PARG: variants seen among roughly 807,000 people sequenced by gnomAD.
PARG encodes poly(ADP-ribose) glycohydrolase, also known as mitochondrial poly(ADP-ribose) glycohydrolase.
PARG carries 35 observed loss-of-function variants against 113.0 expected under a neutral mutation model. That is an observed-to-expected ratio of 0.31 (90% CI 0.24 to 0.41). PARG has a LOEUF of 0.41. PARG is among the 10% of genes least tolerant of loss of function. PARG has a pLI of 1.00. For synonymous variants in PARG, 330 were observed against 409.9 expected, an observed-to-expected ratio of 0.81 and a Z score of 2.36; for missense variants, 797 against 1,169.4, an observed-to-expected ratio of 0.68 and a Z score of 4.64.
At chr10:49,850,460 G>C (rs1845708811) in intron 13 of PARG, among the ~76,000 whole-genome samples, 1 of 152,156 alleles carries the variant, frequency 6.6e-6, no homozygotes, top group African/African-American at 2.4e-5. Context: ...GGTGTCATTA[G>C]AAATAATTTT....
chr10:49,849,089 G>A (rs1845642021), intron 13 of PARG, among the ~76,000 whole-genome samples: 2 of 152,062 alleles, frequency 1.3e-5, no homozygotes, highest in Admixed American at 1.3e-4. Flanking sequence ...CAGCTACTAG[G>A]GAGGCTGAGG....
At chr10:49,902,990 G>T (rs1330383044) in intron 7 of PARG, among the ~76,000 whole-genome samples, 2 of 151,998 alleles carry the variant, frequency 1.3e-5, no homozygotes, top group Admixed American at 1.3e-4. Context: ...ACCACACCCA[G>T]CTAATTTTTT....
At chr10:49,941,467 C>G (rs1839063715) in intron 1 of PARG, 42 bp downstream of exon 1, 1 of 1,417,288 alleles carries the variant, frequency 7.1e-7, no homozygotes, top group Admixed American at 2.0e-5. Flanking sequence ...CCAGAAGGTT[C>G]GGGCCGAGGC....
chr10:49,881,902 G>A (rs1288231851), intron 8 of PARG, among the ~76,000 whole-genome samples: 16 of 152,108 alleles, frequency 1.1e-4, no homozygotes, highest in Non-Finnish European at 1.9e-4. Flanking sequence ...TTTCCATCCC[G>A]TGCATTTGTT....
chr10:49,857,712 AT>A (rs1209139004), intron 12 of PARG, among the ~76,000 whole-genome samples: 1 of 151,972 alleles, frequency 6.6e-6, no homozygotes, highest in Non-Finnish European at 1.5e-5. Context: ...AATATTATGT[AT>A]CATACAGACT....
intron 7 of PARG, among the ~76,000 whole-genome samples, chr10:49,894,126 G>A (rs1237157430): frequency 1.6e-4 from 24 of 151,284 alleles, no homozygotes; most frequent in African/African-American, 5.6e-4. Flanking sequence ...CACCACACCT[G>A]GCCTCCAAGA....
At chr10:49,886,510 G>C (rs535012876) in intron 7 of PARG, among the ~76,000 whole-genome samples, 1 of 152,294 alleles carries the variant, frequency 6.6e-6, no homozygotes, top group Admixed American at 6.5e-5. Flanking sequence ...TCAGAATGAA[G>C]AGAAGGATAT....
At chr10:49,919,728 A>G (rs1240579245) in intron 6 of PARG, among the ~76,000 whole-genome samples, 6 of 152,176 alleles carry the variant, frequency 3.9e-5, no homozygotes, top group Non-Finnish European at 7.3e-5. Flanking sequence ...ATTATACTAA[A>G]ACCAAGTAAA....
intron 7 of PARG, among the ~76,000 whole-genome samples, chr10:49,903,815 G>A (rs1298724984): frequency 2.6e-5 from 4 of 151,772 alleles, no homozygotes; most frequent in African/African-American, 9.7e-5. Context: ...ATGCCAGAGA[G>A]GTGGGCAGAG....
intron 4 of PARG, among the ~76,000 whole-genome samples, chr10:49,927,336 A>G (rs1157493328): frequency 7.0e-6 from 1 of 143,294 alleles, no homozygotes; most frequent in East Asian, 2.0e-4. Flanking sequence ...GAAGGAAAGA[A>G]GGAAGGAAGG....
intron 9 of PARG, 34 bp from the exon 10 acceptor site, chr10:49,869,589 A>T (rs782135608): frequency 3.5e-6 from 3 of 853,634 alleles, no homozygotes; most frequent in Non-Finnish European, 5.9e-6. Flanking sequence ...AATGGAAGAT[A>T]AGTTAAAATG....
intron 13 of PARG, among the ~76,000 whole-genome samples, chr10:49,856,967 C>G (rs1327741699): frequency 1.4e-5 from 2 of 144,754 alleles, no homozygotes; most frequent in Non-Finnish European, 3.0e-5. Flanking sequence ...CGAGATTGCA[C>G]CATTGCACTC....
At chr10:49,862,279 T>C (rs1171517715) in intron 11 of PARG, among the ~76,000 whole-genome samples, 2 of 152,010 alleles carry the variant, frequency 1.3e-5, no homozygotes, top group African/African-American at 2.4e-5. Flanking sequence ...ACAAATTCCA[T>C]TGTATCAAAA....
intron 16 of PARG, among the ~76,000 whole-genome samples, chr10:49,821,198 A>T (rs1329012518): frequency 1.3e-5 from 2 of 152,204 alleles, no homozygotes; most frequent in Non-Finnish European, 2.9e-5. Flanking sequence ...ATCTCCAGGA[A>T]TCAAAGTTAC....
At position 49,841,950 on chromosome 10, in the gene PARG, C is replaced by A; in HGVS notation, c.2541G>T (p.Lys847Asn). 6.5e-7 allele frequency: 1 copy of A among 1,537,780 alleles called. No homozygotes were observed. The highest frequency in any genetic ancestry group is 8.8e-7 in the Non-Finnish European group (1 of 1,138,760). Residue 847 changes from lysine to asparagine, a missense_variant and splice_region_variant, in exon 15 of 18, where the codon AAG becomes AAT. By Grantham distance (94) the Lys-to-Asn change is moderately conservative. This residue lies in a region of PARG where 194 missense variants were observed against 247.1 expected (regional missense o/e 0.79). Coordinates refer to ENST00000616448, the MANE Select transcript of PARG (RefSeq NM_003631.5). ...TGAACTAAGAAATAAGGTTACTGGC[C>A]TTGTTCAGCTCGCGTCTCATTTTCT... ...VPEKMRRELN[K>N]AYCGFLRPGV...
intron 13 of PARG, among the ~76,000 whole-genome samples, chr10:49,850,515 G>A (rs1414967909): frequency 2.0e-5 from 3 of 152,156 alleles, no homozygotes; most frequent in African/African-American, 4.8e-5. Flanking sequence ...CTATTTACTC[G>A]AGGGTGAAAA....
intron 13 of PARG, among the ~76,000 whole-genome samples, chr10:49,844,365 G>A (rs562285598): frequency 6.6e-6 from 1 of 152,188 alleles, no homozygotes; most frequent in South Asian, 2.1e-4. Flanking sequence ...GCTCACGCCT[G>A]TAATCCTAGC....
At chr10:49,906,275 T>C (rs376528338) in intron 7 of PARG, among the ~76,000 whole-genome samples, 388 of 151,264 alleles carry the variant, frequency 2.6e-3, no homozygotes, top group East Asian at 0.012. Context: ...GAGCCACATG[T>C]CCAGCCATGT....
intron 16 of PARG, among the ~76,000 whole-genome samples, chr10:49,824,490 G>A (rs2132355852): frequency 6.6e-6 from 1 of 152,256 alleles, no homozygotes; most frequent in South Asian, 2.1e-4. Flanking sequence ...AGGGAGCTTG[G>A]TTTTAATTTT....
Sources: gnomAD v4.1 joint callset for allele counts (sites outside exome capture counted in the v4.1 genomes callset) on GRCh38, gnomAD v4.1.1 for gene constraint, gnomAD v4.1.1 regional missense constraint, MANE v1.5 for transcripts, NCBI Gene and HGNC (gene_info 2026-07-23, HGNC 2026-07-21) for gene names.